The following CARD8 variants were observed in gnomAD, a reference collection of about 807,000 sequenced individuals.
CARD8 encodes caspase recruitment domain-containing protein 8.
Under a neutral mutation model 53.2 loss-of-function variants are expected in CARD8, and 38 were observed. That is an observed-to-expected ratio of 0.71 (90% CI 0.55 to 0.94). The LOEUF is 0.94. CARD8 is among the 40% of genes least tolerant of loss of function. CARD8 has a pLI of 0.00. For synonymous variants in CARD8, 245 were observed against 244.9 expected, an observed-to-expected ratio of 1.00 and a Z score of 0.00; for missense variants, 561 against 655.5, an observed-to-expected ratio of 0.86 and a Z score of 1.57.
At chr19:48,204,820 C>T (rs1471286988), downstream of CARD8, among the ~76,000 whole-genome samples, 3 of 152,144 alleles carry the variant, frequency 2.0e-5, no homozygotes, top group Non-Finnish European at 4.4e-5. Flanking sequence ...AGAAGGCCAA[C>T]TCAGTAGCAG....
chr19:48,209,584 TAA>T lies in CARD8; in HGVS notation c.*2124_*2125del, dbSNP rs1187635691. The T allele has an allele frequency of 1.3e-5, 2 of 151,952 alleles. No homozygotes were observed. The highest frequency in any genetic ancestry group is 4.8e-5 in the African/African-American group (2 of 41,376). The allele number at this position is 151,952 out of a possible 1,614,324, so 9.4% of individuals were successfully genotyped here. A position where few individuals can be genotyped will look rare whatever the true frequency, so the allele number is the denominator to read the frequency against. Reference sequence around the variant, plus strand: ...AATATCAGGGACATTTAGGAAAACATAAAAGTCTAACATTTCCACAATAAGAG... The same window carrying T: ...AATATCAGGGACATTTAGGAAAACATAAGTCTAACATTTCCACAATAAGAG... On this transcript the variant is annotated 3_prime_UTR_variant, in exon 14 of 14. Transcript: ENST00000651546.
chr19:48,213,207 AC>A (rs1318349934), intron 13 of CARD8: 1 of 152,104 alleles, frequency 6.6e-6, no homozygotes, highest in Non-Finnish European at 1.5e-5. Context: ...GCCACACAAG[AC>A]TTTACACAGA....
intron 11 of CARD8, among the ~76,000 whole-genome samples, chr19:48,220,333 T>C (rs1435310085): frequency 6.6e-6 from 1 of 152,186 alleles, no homozygotes; most frequent in Non-Finnish European, 1.5e-5. Context: ...AAAAATCATT[T>C]TTCCTATTTT....
At chr19:48,203,996 C>G, downstream of CARD8, 4 of 349,654 alleles carry the variant, frequency 1.1e-5, no homozygotes, top group South Asian at 6.1e-5. Flanking sequence ...GGGCCCAGAG[C>G]TCCATCTGAG....
chr19:48,240,907 C>A, intron 4 of CARD8, 55 bp downstream of exon 4: 9 of 1,354,572 alleles, frequency 6.6e-6, no homozygotes, highest in South Asian at 1.2e-5. Context: ...TGAACTATAA[C>A]GAAACACAGA....
chr19:48,214,161 T>C (rs552183612), intron 13 of CARD8, among the ~76,000 whole-genome samples: 6 of 152,374 alleles, frequency 3.9e-5, no homozygotes, highest in African/African-American at 1.2e-4. Context: ...TCAGTCATTC[T>C]TGGCAGATGA....
chr19:48,242,842 G>GC (rs1209535201), intron 3 of CARD8, among the ~76,000 whole-genome samples: 1 of 152,054 alleles, frequency 6.6e-6, no homozygotes, highest in Non-Finnish European at 1.5e-5. Flanking sequence ...ATACCAAAGC[G>GC]CCAATCTCCA....
In CARD8 at chr19:48,226,020, C is replaced by T. The variant is rs185897673; in HGVS notation, c.1036-4165G>A. On this transcript the variant is annotated intron_variant, in intron 10 of 13. Transcript: ENST00000651546. ...GTGAGCTGAGATCACGCCCACTGCACTCCAGCCTGGGGGACACAGCAAGAC... is the reference window on the plus strand; with the variant it reads ...GTGAGCTGAGATCACGCCCACTGCATTCCAGCCTGGGGGACACAGCAAGAC... Among the ~76,000 whole-genome samples, 8 of 145,020 alleles carry T rather than the reference C, an allele frequency of 5.5e-5. No homozygotes were observed. In the East Asian group the frequency reaches 1.4e-3, roughly 26 times the overall value.
At chr19:48,254,870 AT>A (rs770681766) in intron 1 of CARD8, among the ~76,000 whole-genome samples, 15 of 152,200 alleles carry the variant, frequency 9.9e-5, no homozygotes, top group Non-Finnish European at 1.9e-4. Flanking sequence ...AAAAAAATAT[AT>A]ATTTCTGCAA....
At position 48,231,791 on chromosome 19, in the gene CARD8, C is replaced by A. The variant is rs765521296; in HGVS notation, c.411G>T (p.Glu137Asp). Residue 137 changes from glutamate (E) to aspartate (D), a missense_variant, in exon 8 of 14, where the codon GAG becomes GAT. Glu to Asp is a conservative substitution (Grantham distance 45). Transcript: ENST00000651546. The part of the protein sequence containing the change: ...GQDSGDICSE[E>D]NQIVSSYASK... ...AAGCATAAGAGGAAACTATTTGATT[C>A]TCTTCTGAGCAAATGTCTCCTGAAA... is the stretch of plus-strand genomic sequence containing the variant. 2 of 1,613,908 alleles carry A rather than the reference C, an allele frequency of 1.2e-6. No homozygotes were observed. Among genetic ancestry groups the A allele is most frequent in the Non-Finnish European group, 1.7e-6 (2 of 1,179,892 alleles).
downstream of CARD8, chr19:48,204,293 T>C (rs908493904): frequency 7.0e-6 from 3 of 428,044 alleles, no homozygotes; most frequent in Admixed American, 4.9e-5. Context: ...GAAATTAGAC[T>C]AACAGCCTGG....
chr19:48,249,403 T>C (rs2046643825), intron 3 of CARD8, 120 bp downstream of exon 3: 1 of 152,224 alleles, frequency 6.6e-6, no homozygotes, highest in African/African-American at 2.4e-5. Flanking sequence ...ATTTCATATA[T>C]TGCTTCAATT....
intron 1 of CARD8, among the ~76,000 whole-genome samples, chr19:48,252,973 C>A (rs16981888): frequency 0.05 from 7,625 of 152,184 alleles, 636 homozygotes; most frequent in African/African-American, 0.17. Context: ...AACTGCACTG[C>A]TCTATGGCAC....
chr19:48,221,047 G>GAGGA (rs144791108), intron 11 of CARD8, among the ~76,000 whole-genome samples: 5,452 of 150,778 alleles, frequency 0.036, 315 homozygotes, highest in African/African-American at 0.12. Context: ...AAAAAAGAAA[G>GAGGA]AGGAAGGAAG....
rs2037835384 is a variant in CARD8, at chr19:48,210,698, C to T, written c.*1012G>A. The T allele has an allele frequency of 2.0e-5, 3 of 152,198 alleles. 1 individual carries two copies. The South Asian group carries it at 6.2e-4, about 32-fold the overall frequency. 9.4% of individuals were successfully genotyped at this position (152,198 alleles called of 1,614,324 possible). A position where few individuals can be genotyped will look rare whatever the true frequency, so the allele number is the denominator to read the frequency against. ...ATAAATCCTAACATATTAATAATTA[C>T]ATTAACGTAAGTAATTGAAATCTTC... On this transcript the variant is annotated 3_prime_UTR_variant, in exon 14 of 14. Transcript: ENST00000651546.
rs889375455 is a variant in CARD8 at position 48,230,528 on chromosome 19, G to C, written c.945C>G (p.Ile315Met). The C allele has an allele frequency of 6.2e-7, 1 of 1,614,220 alleles. No individual in the cohort carries two copies. The highest frequency in any genetic ancestry group is 8.5e-7 in the Non-Finnish European group (1 of 1,180,024). Residue 315 changes from isoleucine (I) to methionine (M), a missense_variant, in exon 10 of 14, where the codon ATC (isoleucine) becomes ATG (methionine). Physicochemically the swap from Ile to Met is conservative, Grantham distance 10 (BLOSUM62 1). Transcript: ENST00000651546. ...IASGTRLSIP[I>M]TSNTLIYYHP... is the part of the protein sequence containing the mutation. ...GATAATAGATCAATGTGTTGGAAGT[G>C]ATGGGGATGGAGAGGCGAGTCCCAC... is the stretch of plus-strand genomic sequence containing the variant.
At chr19:48,239,129 A>C (rs1478180536) in intron 4 of CARD8, among the ~76,000 whole-genome samples, 1 of 152,206 alleles carries the variant, frequency 6.6e-6, no homozygotes, top group Non-Finnish European at 1.5e-5. Context: ...TTGTTTGCAC[A>C]ACACTGAATG....
At chr19:48,248,995 C>A (rs1279036475) in intron 3 of CARD8, among the ~76,000 whole-genome samples, 1 of 152,094 alleles carries the variant, frequency 6.6e-6, no homozygotes, top group Non-Finnish European at 1.5e-5. Flanking sequence ...ATCAGGAGTT[C>A]GAAGCCAGAC....
At chr19:48,217,758 T>C (rs1371493854) in intron 12 of CARD8, among the ~76,000 whole-genome samples, 2 of 152,208 alleles carry the variant, frequency 1.3e-5, no homozygotes, top group African/African-American at 2.4e-5. Context: ...TTTACAAATG[T>C]ATTGGAGATA....
Sources: allele counts gnomAD v4.1 joint callset (sites outside exome capture counted in the v4.1 genomes callset), GRCh38; gene constraint gnomAD v4.1.1; transcripts MANE v1.5; gene names NCBI Gene and HGNC (gene_info 2026-07-23, HGNC 2026-07-21).